ARHGEF18: variants seen among roughly 807,000 people sequenced by gnomAD.
The protein encoded by ARHGEF18 is rho guanine nucleotide exchange factor 18.
ARHGEF18 carries 93 observed loss-of-function variants against 155.7 expected under a neutral mutation model. That is an observed-to-expected ratio of 0.60 (90% CI 0.50 to 0.71). The LOEUF (loss-of-function observed/expected upper bound fraction) is 0.71. ARHGEF18 is among the 30% of genes least tolerant of loss of function. The probability of loss-of-function intolerance (pLI) is 0.00; values close to 1 mark genes in which losing one functional copy is unlikely to be tolerated. For synonymous variants in ARHGEF18, 742 were observed against 753.1 expected (o/e 0.99, Z 0.24); for missense variants, 1,593 against 1,816.1 (o/e 0.88, Z 2.23).
Position 7,362,802 on chromosome 19 carries a change from T to A in ARHGEF18, c.-89T>A, listed in dbSNP as rs1969685605. 8.1e-7 allele frequency: 1 copy of A among 1,234,106 alleles called. No homozygotes were observed. Among genetic ancestry groups the A allele is most frequent in the South Asian group, 4.1e-5 (1 of 24,386 alleles). The allele number at this position is 1,234,106 out of a possible 1,614,324, so 76.4% of individuals were successfully genotyped here. A position where few individuals can be genotyped will look rare whatever the true frequency, so the allele number is the denominator to read the frequency against. On this transcript the variant is annotated 5_prime_UTR_variant, in exon 2 of 29. It introduces an in-frame stop codon into an upstream open reading frame of the 5' UTR. Transcript: ENST00000668164. ...ACAGGCTCTGAGCCCAAGTCATGTGTCCAGCCTTTTGACTCTGGAGCTGTG... is the reference window on the plus strand; with the variant it reads ...ACAGGCTCTGAGCCCAAGTCATGTGACCAGCCTTTTGACTCTGGAGCTGTG...
chr19:7,440,576 CTG>C lies in ARHGEF18; in HGVS notation c.1106+99_1106+100del, dbSNP rs1974578784. 1 of 1,413,090 alleles carries C rather than the reference CTG, an allele frequency of 7.1e-7. No homozygotes were observed. The highest frequency in any genetic ancestry group is 1.4e-5 in the African/African-American group (1 of 70,218). 87.5% of individuals were successfully genotyped at this position (1,413,090 alleles called of 1,614,324 possible). On this transcript the variant is annotated intron_variant, in intron 11 of 28. Coordinates refer to ENST00000668164, the MANE Select transcript of ARHGEF18 (RefSeq NM_001367823.1). This position sits in a 1 kb window ranked among gnomAD's most constrained non-coding sequence, Gnocchi z 5.4. Reference sequence around the variant, plus strand: ...TTCGGAGGGAGACCCCGACTTAGATCTGTGTGAATCCACACGGCAGCCCCCGT... The same window carrying C: ...TTCGGAGGGAGACCCCGACTTAGATCTGTGAATCCACACGGCAGCCCCCGT...
intron 14 of ARHGEF18, among the ~76,000 whole-genome samples, chr19:7,445,822 C>T (rs1370722391): frequency 6.6e-6 from 1 of 151,974 alleles, no homozygotes; most frequent in Admixed American, 6.6e-5. Context: ...AGGGTTTCAC[C>T]ATGTTGGCCA....
In ARHGEF18 at chr19:7,440,235, A is replaced by C; in HGVS notation, c.968-109A>C. On this transcript the variant is annotated intron_variant, in intron 10 of 28. Coordinates refer to ENST00000668164, the MANE Select transcript of ARHGEF18 (RefSeq NM_001367823.1). The surrounding 1 kb of genome is among the most constrained non-coding windows in gnomAD (Gnocchi z 5.4). ...CTTGGATAACGAGCTGCTGACCTCC[A>C]AGATCCTGTCTGTGCTGCGGCCGCA... 1 of 1,552,140 alleles carries C rather than the reference A, an allele frequency of 6.4e-7. No homozygotes were observed. The highest frequency in any genetic ancestry group is 8.7e-7 in the Non-Finnish European group (1 of 1,147,264).
At chr19:7,431,529 A>AAAAAAAG (rs901539858) in intron 10 of ARHGEF18, among the ~76,000 whole-genome samples, 60 of 146,914 alleles carry the variant, frequency 4.1e-4, no homozygotes, top group South Asian at 1.1e-3. Flanking sequence ...AAAAAAAAAA[A>AAAAAAAG]AAAAGGCCGG....
intron 15 of ARHGEF18, among the ~76,000 whole-genome samples, chr19:7,448,857 A>T (rs2145817582): frequency 6.6e-6 from 1 of 152,178 alleles, no homozygotes; most frequent in African/African-American, 2.4e-5. Flanking sequence ...CACTTGGATG[A>T]TGGCTAGTTG....
chr19:7,410,809 C>CAAAA (rs58022667), intron 10 of ARHGEF18, among the ~76,000 whole-genome samples: 3,533 of 80,872 alleles, frequency 0.044, 184 homozygotes, highest in East Asian at 0.14. Context: ...GACTCCATCT[C>CAAAA]AAAAAAAAAA....
Position 7,467,513 on chromosome 19 carries a change from G to A in ARHGEF18, c.3309G>A (p.Glu1103=), listed in dbSNP as rs1976722405. 7.0e-7 allele frequency: 1 copy of A among 1,431,982 alleles called. No homozygotes were observed. The highest frequency in any genetic ancestry group is 9.0e-7 in the Non-Finnish European group (1 of 1,105,020). The allele number at this position is 1,431,982 out of a possible 1,614,324, so 88.7% of individuals were successfully genotyped here. A position where few individuals can be genotyped will look rare whatever the true frequency, so the allele number is the denominator to read the frequency against. Residue 1103 remains glutamate (E), a synonymous_variant, in exon 26 of 29, where the codon GAG becomes GAA. Transcript: ENST00000668164. ...GEARQLRERL[E]QERAELERQR... Reference sequence around the variant, plus strand: ...CGCGGCAGCTACGCGAGCGGCTGGAGCAGGAGCGGGCCGAGCTGGAGCGCC... The same window carrying A: ...CGCGGCAGCTACGCGAGCGGCTGGAACAGGAGCGGGCCGAGCTGGAGCGCC...
Position 7,431,897 on chromosome 19 carries a change from C to T in ARHGEF18, c.968-8447C>T, listed in dbSNP as rs1973993254. 3.9e-5 allele frequency among the ~76,000 whole-genome samples: 6 copies of T among 152,308 alleles called. No individual in the cohort carries two copies. The South Asian group carries it at 1.2e-3, about 32-fold the overall frequency. On this transcript the variant is annotated intron_variant, in intron 10 of 28. Transcript: ENST00000668164. The stretch of plus-strand genomic sequence containing the variant: ...AAATAGTACCTGTTGCTACGAATTA[C>T]CACATTTTTTTAAATGGTATTTTGG...
At chr19:7,380,214 C>T (rs561274235) in intron 7 of ARHGEF18, among the ~76,000 whole-genome samples, 26 of 151,588 alleles carry the variant, frequency 1.7e-4, no homozygotes, top group Non-Finnish European at 3.4e-4. Context: ...CGCAGTGGCT[C>T]ACACCTGTAA....
intron 16 of ARHGEF18, among the ~76,000 whole-genome samples, chr19:7,453,062 G>A (rs1480316932): frequency 6.6e-6 from 1 of 151,864 alleles, no homozygotes; most frequent in Admixed American, 6.6e-5. Flanking sequence ...AGCTGGGCAT[G>A]GTGGCGGGTG....
At chr19:7,362,016 G>GA (rs1568264351) in intron 1 of ARHGEF18, among the ~76,000 whole-genome samples, 8 of 37,282 alleles carry the variant, frequency 2.1e-4, no homozygotes, top group Non-Finnish European at 2.6e-4. Context: ...AGAAGAAGAA[G>GA]GAGAAGGAGA....
At chr19:7,474,916 C>T (rs925308060), downstream of ARHGEF18, among the ~76,000 whole-genome samples, 4 of 151,986 alleles carry the variant, frequency 2.6e-5, no homozygotes, top group African/African-American at 9.7e-5. Flanking sequence ...TTGGAGGCAC[C>T]CTAAAATGAG....
At position 7,352,832 on chromosome 19, in the gene ARHGEF18, C is replaced by CTTTTTTT. The variant is rs587602037; in HGVS notation, c.-111+3607_-111+3613dup. Among the ~76,000 whole-genome samples the CTTTTTTT allele has an allele frequency of 3.6e-3, 180 of 49,880 alleles. 39 individuals carry two copies. The highest frequency in any genetic ancestry group is 9.4e-3 in the East Asian group (12 of 1,278). The allele number at this position is 49,880 out of a possible 152,430, so 32.7% of individuals were successfully genotyped here. ...ACAGGTGTGAGTCGCCGTGCCTGGC[C>CTTTTTTT]TTTTTTTTTTTTTTTTTTTTTTGAC... On this transcript the variant is annotated intron_variant, in intron 1 of 28. Coordinates refer to ENST00000668164, the MANE Select transcript of ARHGEF18 (RefSeq NM_001367823.1).
chr19:7,350,763 G>GGGGT (rs1969134173), intron 1 of ARHGEF18, among the ~76,000 whole-genome samples: 1 of 133,158 alleles, frequency 7.5e-6, no homozygotes, highest in Non-Finnish European at 1.6e-5. Context: ...AGTTTTTTGG[G>GGGGT]GTGGGTGTGT....
chr19:7,477,551 A>G, the ARHGEF18 span: 1 of 878,438 alleles, frequency 1.1e-6, no homozygotes, highest in African/African-American at 1.8e-5. Context: ...GAGTGGGAGG[A>G]GCTGGCAGGA....
At chr19:7,382,703 G>C in intron 8 of ARHGEF18, 89 bp from the exon 9 acceptor site, 1 of 906,048 alleles carries the variant, frequency 1.1e-6, no homozygotes, top group Non-Finnish European at 1.4e-6. Context: ...CAGGGAGACA[G>C]GTTGCAGGTG....
At chr19:7,375,342 GAAAAAGAA>G (rs1207527281) in intron 3 of ARHGEF18, among the ~76,000 whole-genome samples, 1 of 110,040 alleles carries the variant, frequency 9.1e-6, no homozygotes, top group Non-Finnish European at 1.8e-5. Flanking sequence ...AAGGAAGAAA[GAAAAAGAA>G]AGAAAAGGAA....
downstream of ARHGEF18, among the ~76,000 whole-genome samples, chr19:7,474,593 G>C (rs1323480245): frequency 6.6e-6 from 1 of 151,880 alleles, no homozygotes; most frequent in Non-Finnish European, 1.5e-5. Context: ...GACCAGGCTG[G>C]TCTTGAACTC....
At position 7,464,617 on chromosome 19, in the gene ARHGEF18, G is replaced by GC; in HGVS notation, c.2837dup (p.Asn947LysfsTer9). ...GACCCCAGGCCCCGAGACTGGCGAG[G>GC]CCCCCCAAACAGCCCGGACTTGAAG... On this transcript the variant is annotated frameshift_variant, in exon 23 of 29. Coordinates refer to ENST00000668164, the MANE Select transcript of ARHGEF18 (RefSeq NM_001367823.1). LOFTEE classifies it high-confidence loss of function. 4 of 1,613,888 alleles carry GC rather than the reference G, an allele frequency of 2.5e-6. No homozygotes were observed. Among genetic ancestry groups the GC allele is most frequent in the Non-Finnish European group, 1.7e-6 (2 of 1,179,954 alleles).
Sources: gnomAD v4.1 joint callset for allele counts (sites outside exome capture counted in the v4.1 genomes callset) on GRCh38, gnomAD v4.1.1 for gene constraint, Gnocchi (gnomAD v3.1) non-coding constraint, MANE v1.5 for transcripts, NCBI Gene and HGNC (gene_info 2026-07-23, HGNC 2026-07-21) for gene names.